The following TSHZ2 variants were observed in gnomAD, a reference collection of about 807,000 sequenced individuals.
The protein encoded by TSHZ2 is teashirt homolog 2.
A neutral mutation model predicts 74.4 loss-of-function variants in TSHZ2; 21 were observed. The observed-to-expected ratio is 0.28, with a 90% CI of 0.20 to 0.41. The LOEUF (loss-of-function observed/expected upper bound fraction) is 0.41. Ranked by LOEUF, TSHZ2 falls within the 10% of genes least tolerant of loss-of-function variation. TSHZ2 has a pLI of 1.00. For missense variants in TSHZ2, 1,244 were observed against 1,293.5 expected (o/e 0.96, Z 0.59); for synonymous variants, 540 against 515.3 (o/e 1.05, Z -0.65).
rs75852506 is a variant in TSHZ2, at chr20:53,465,142, G to C, written c.*9-22002G>C. ...CTGGGAAATGGCTGTGTGAATGCAG[G>C]GGACAATTTAACCTCCCGAAACTTC... is the stretch of plus-strand genomic sequence containing the variant. On this transcript the variant is annotated intron_variant, in intron 2 of 2. Transcript: ENST00000371497. Among the ~76,000 whole-genome samples the C allele has an allele frequency of 1.6e-3, 245 of 152,230 alleles. 2 individuals carry two copies. Among genetic ancestry groups the C allele is most frequent in the Admixed American group, 3.9e-3 (59 of 15,306 alleles).
At position 53,195,270 on chromosome 20, in the gene TSHZ2, A is replaced by AAT. The variant is rs1053720520; in HGVS notation, c.41-58217_41-58216dup. 7.9e-5 allele frequency among the ~76,000 whole-genome samples: 12 copies of AAT among 151,784 alleles called. No individual in the cohort carries two copies. In the East Asian group the frequency reaches 9.7e-4, roughly 12 times the overall value. On this transcript the variant is annotated intron_variant, in intron 1 of 2. Transcript: ENST00000371497. The stretch of plus-strand genomic sequence containing the variant: ...CGGGTCATTAATGAAAAAATAAATA[A>AAT]ATATATATATATACACACACACACA...
intron 2 of TSHZ2, among the ~76,000 whole-genome samples, chr20:53,286,889 A>ACACACC: frequency 1.8e-5 from 1 of 56,576 alleles, no homozygotes; most frequent in African/African-American, 1.1e-4. Context: ...TCAAAAATAC[A>ACACACC]CACACACACA....
At chr20:53,265,777 T>G (rs1990703449) in intron 2 of TSHZ2, among the ~76,000 whole-genome samples, 1 of 152,242 alleles carries the variant, frequency 6.6e-6, no homozygotes, top group African/African-American at 2.4e-5. Context: ...TAATTAATTT[T>G]GTTCTTTCTT....
At chr20:53,423,091 T>G (rs141745873) in intron 2 of TSHZ2, among the ~76,000 whole-genome samples, 130 of 152,278 alleles carry the variant, frequency 8.5e-4, no homozygotes, top group African/African-American at 3.0e-3. Context: ...CTACACTGTC[T>G]CCTGGTAAAA....
intron 1 of TSHZ2, among the ~76,000 whole-genome samples, chr20:53,012,248 C>T (rs1897768200): frequency 6.6e-6 from 1 of 152,100 alleles, no homozygotes; most frequent in Admixed American, 6.6e-5. Flanking sequence ...CCTCTGGGTC[C>T]ATTTGTCTGA....
At chr20:53,434,630 G>A (rs538884733) in intron 2 of TSHZ2, among the ~76,000 whole-genome samples, 2 of 152,346 alleles carry the variant, frequency 1.3e-5, no homozygotes, top group Admixed American at 6.5e-5. Flanking sequence ...ATCAGGGTCA[G>A]TTCTGCTCTC....
At chr20:53,045,235 T>C (rs1048886873) in intron 1 of TSHZ2, among the ~76,000 whole-genome samples, 13 of 152,176 alleles carry the variant, frequency 8.5e-5, no homozygotes, top group African/African-American at 3.1e-4. Context: ...CAGCGGGTCA[T>C]ACGCTGACTC....
At chr20:53,329,485 T>G (rs529581262) in intron 2 of TSHZ2, among the ~76,000 whole-genome samples, 187 of 152,310 alleles carry the variant, frequency 1.2e-3, no homozygotes, top group African/African-American at 4.3e-3. Flanking sequence ...AAGCCCTGCT[T>G]TCTCTTTTCT....
intron 1 of TSHZ2, among the ~76,000 whole-genome samples, chr20:53,144,745 T>C (rs1293413): frequency 0.34 from 52,211 of 151,942 alleles, 9,132 homozygotes; most frequent in African/African-American, 0.38. Flanking sequence ...ATATATACTA[T>C]GTTCCTCGTA....
intron 2 of TSHZ2, among the ~76,000 whole-genome samples, chr20:53,358,235 G>A (rs546436798): frequency 1.4e-5 from 2 of 138,556 alleles, no homozygotes; most frequent in Admixed American, 1.5e-4. Context: ...AACCAGCTTT[G>A]TATTGTTTTC....
intron 1 of TSHZ2, chr20:53,179,554 C>A (rs1017407906): frequency 6.6e-6 from 1 of 152,190 alleles, no homozygotes; most frequent in Non-Finnish European, 1.5e-5. Flanking sequence ...CAGAAGCTCA[C>A]GTGCCACCTG....
At chr20:52,996,346 T>C (rs2122938988) in intron 1 of TSHZ2, among the ~76,000 whole-genome samples, 1 of 138,412 alleles carries the variant, frequency 7.2e-6, no homozygotes, top group Admixed American at 7.1e-5. Flanking sequence ...TTTATTTATT[T>C]ATTTATTAGG....
chr20:53,196,366 T>TAAAAAAAAAAAAAAAAAAAAAAAAA (rs34385917), intron 1 of TSHZ2: 9 of 109,678 alleles, frequency 8.2e-5, no homozygotes, highest in African/African-American at 2.8e-4. Flanking sequence ...AATCTGCTGC[T>TAAAAAAAAAAAAAAAAAAAAAAAAA]AAAAAAAAAA....
At chr20:53,017,779 A>G (rs372248418) in intron 1 of TSHZ2, among the ~76,000 whole-genome samples, 11 of 152,090 alleles carry the variant, frequency 7.2e-5, no homozygotes, top group Admixed American at 2.0e-4. Context: ...CTTCACCCCA[A>G]TGGTTAAGAA....
intron 2 of TSHZ2, among the ~76,000 whole-genome samples, chr20:53,264,119 G>A (rs937035545): frequency 1.3e-5 from 2 of 152,250 alleles, no homozygotes; most frequent in Non-Finnish European, 2.9e-5. Flanking sequence ...GGCGTAGCTT[G>A]TGAAATGGTG....
At chr20:53,018,690 G>A (rs1017973008) in intron 1 of TSHZ2, among the ~76,000 whole-genome samples, 1 of 152,132 alleles carries the variant, frequency 6.6e-6, no homozygotes, top group Non-Finnish European at 1.5e-5. Flanking sequence ...TGTGCTTCCC[G>A]TAGGCAAGAT....
chr20:53,171,423 G>A (rs992234452), intron 1 of TSHZ2, among the ~76,000 whole-genome samples: 15 of 152,120 alleles, frequency 9.9e-5, no homozygotes, highest in Non-Finnish European at 1.9e-4. Flanking sequence ...CCCTGGGAGG[G>A]CATGATTGCA....
chr20:52,997,262 G>A (rs374571045), intron 1 of TSHZ2, among the ~76,000 whole-genome samples: 4 of 135,464 alleles, frequency 3.0e-5, no homozygotes, highest in Non-Finnish European at 6.1e-5. Context: ...CTTGCCCCGG[G>A]GGGGGGTTCA....
intron 1 of TSHZ2, among the ~76,000 whole-genome samples, chr20:53,092,654 T>C (rs1483608345): frequency 6.6e-6 from 1 of 152,218 alleles, no homozygotes; most frequent in Non-Finnish European, 1.5e-5. Context: ...TTTGAAAAAT[T>C]ATTTTGAAGT....
Sources: allele counts gnomAD v4.1 joint callset (sites outside exome capture counted in the v4.1 genomes callset), GRCh38; gene constraint gnomAD v4.1.1; transcripts MANE v1.5; gene names NCBI Gene and HGNC (gene_info 2026-07-23, HGNC 2026-07-21).